Variants in GALM observed in about 807,000 individuals in gnomAD.
GALM encodes aldose 1-epimerase.
GALM carries 43 observed loss-of-function variants against 37.4 expected under a neutral mutation model. That is an observed-to-expected ratio of 1.15 (90% CI 0.90 to 1.48). The LOEUF is 1.48. GALM is among the 40% of genes most tolerant of loss of function. The probability of loss-of-function intolerance (pLI) is 0.00; values close to 1 mark genes in which losing one functional copy is unlikely to be tolerated. For synonymous variants in GALM, 199 were observed against 170.6 expected, an observed-to-expected ratio of 1.17 and a Z score of -1.30; for missense variants, 456 against 419.1, an observed-to-expected ratio of 1.09 and a Z score of -0.77.
At chr2:38,680,315 C>A (rs1271071459) in intron 2 of GALM, among the ~76,000 whole-genome samples, 1 of 152,134 alleles carries the variant, frequency 6.6e-6, no homozygotes, top group African/African-American at 2.4e-5. Context: ...AGCTATTGCA[C>A]CTGACCACAA....
At chr2:38,695,037 T>C (rs1427287518) in intron 4 of GALM, among the ~76,000 whole-genome samples, 1 of 152,180 alleles carries the variant, frequency 6.6e-6, no homozygotes, top group South Asian at 2.1e-4. Flanking sequence ...CAGAATCTTG[T>C]TATGAACAAG....
intron 1 of GALM, among the ~76,000 whole-genome samples, chr2:38,675,528 TTTTTTTTTTTTTTTTTGTG>T (rs1307605917): frequency 5.9e-5 from 4 of 67,256 alleles, no homozygotes; most frequent in African/African-American, 3.9e-4. Flanking sequence ...GTTTTTTTGT[TTTTTTTTTTTTTTTTTGTG>T]TGTGTGTGTG....
rs1666615594 is a variant in GALM at position 38,731,805 on chromosome 2, G to A, written c.847G>A (p.Gly283Ser). 1 of 1,614,020 alleles carries A rather than the reference G, an allele frequency of 6.2e-7. No homozygotes were observed. The highest frequency in any genetic ancestry group is 8.5e-7 in the Non-Finnish European group (1 of 1,179,952). The change falls in exon 6 of 7, where the codon GGC becomes AGC. Residue 283 changes from glycine (G) to serine (S), a missense_variant. Physicochemically the swap from Gly to Ser is moderately conservative, Grantham distance 56. Coordinates refer to ENST00000272252, the MANE Select transcript of GALM (RefSeq NM_138801.3). ...CCAGCCCGGGGTCCAGTTTTACACGGGCAACTTCCTGGATGGCACATTAAA... is the reference window on the plus strand; with the variant it reads ...CCAGCCCGGGGTCCAGTTTTACACGAGCAACTTCCTGGATGGCACATTAAA... ...TTQPGVQFYT[G>S]NFLDGTLKGK...
chr2:38,722,030 T>TTCCCCCCCC (rs1666385953), intron 4 of GALM, among the ~76,000 whole-genome samples: 5 of 41,388 alleles, frequency 1.2e-4, no homozygotes, highest in Non-Finnish European at 1.7e-4. Flanking sequence ...TGCCTTCCCT[T>TTCCCCCCCC]CCCCCCCCCA....
intron 4 of GALM, among the ~76,000 whole-genome samples, chr2:38,690,702 G>A (rs1422719514): frequency 6.6e-6 from 1 of 152,110 alleles, no homozygotes; most frequent in Non-Finnish European, 1.5e-5. Flanking sequence ...CAGAGGGCTG[G>A]GATTACAGGT....
chr2:38,677,291 C>T (rs1477843860), intron 2 of GALM, among the ~76,000 whole-genome samples: 1 of 152,202 alleles, frequency 6.6e-6, no homozygotes, highest in Non-Finnish European at 1.5e-5. Flanking sequence ...CCAGAGAAGA[C>T]AGGAACATGT....
intron 2 of GALM, among the ~76,000 whole-genome samples, chr2:38,678,262 G>A (rs1332871235): frequency 2.0e-5 from 3 of 151,954 alleles, no homozygotes; most frequent in Admixed American, 1.3e-4. Context: ...CACCCACCTC[G>A]GCCTCCCAAA....
At chr2:38,701,296 C>T (rs1040873140) in intron 4 of GALM, among the ~76,000 whole-genome samples, 10 of 152,128 alleles carry the variant, frequency 6.6e-5, no homozygotes, top group South Asian at 2.1e-4. Flanking sequence ...CAATACAGTG[C>T]ACTACTAAGG....
intron 4 of GALM, among the ~76,000 whole-genome samples, chr2:38,720,414 T>TAAAA (rs34372976): frequency 1.1e-5 from 1 of 92,864 alleles, no homozygotes; most frequent in Non-Finnish European, 2.0e-5. Context: ...ACTTCTATGT[T>TAAAA]AAAAAAAAAA....
chr2:38,731,963 A>G, intron 6 of GALM, 54 bp downstream of exon 6: 1 of 1,386,122 alleles, frequency 7.2e-7, no homozygotes, highest in Non-Finnish European at 1.0e-6. Flanking sequence ...GTCACACTGT[A>G]CGACAGAGTT....
intron 3 of GALM, among the ~76,000 whole-genome samples, chr2:38,687,600 C>A (rs1229058687): frequency 6.6e-6 from 1 of 151,498 alleles, no homozygotes; most frequent in Non-Finnish European, 1.5e-5. Flanking sequence ...ATCCCAGCTA[C>A]TTAAGGAGGC....
chr2:38,731,063 TA>T lies in GALM; in HGVS notation c.777-668del, dbSNP rs1191617220. Among the ~76,000 whole-genome samples, 3 of 151,546 alleles carry T rather than the reference TA, an allele frequency of 2.0e-5. No homozygotes were observed. In the East Asian group the frequency reaches 5.9e-4, roughly 30 times the overall value. ...CAACATGATGAAACCCCGACAATAC[TA>T]AAAGTACAAAAAATTAGCCGGATGT... On this transcript the variant is annotated intron_variant, in intron 5 of 6. Transcript: ENST00000272252.
intron 4 of GALM, among the ~76,000 whole-genome samples, chr2:38,708,352 C>T (rs1040033373): frequency 3.9e-5 from 6 of 151,958 alleles, no homozygotes; most frequent in African/African-American, 1.2e-4. Flanking sequence ...GGCCCCACCT[C>T]AGAGATTCTG....
In GALM at chr2:38,734,431, G is replaced by A. The variant is rs2148462184; in HGVS notation, c.*866G>A. ...AAAAAAAAGCAGCTCTCTCTCTCGG[G>A]AGAGGGAGGGGACTTCCGAGAGGAA... On this transcript the variant is annotated 3_prime_UTR_variant, in exon 7 of 7. Transcript: ENST00000272252. 1 of 151,356 alleles carries A rather than the reference G, an allele frequency of 6.6e-6. No individual in the cohort carries two copies. The highest frequency in any genetic ancestry group is 1.5e-5 in the Non-Finnish European group (1 of 68,002). The allele number at this position is 151,356 out of a possible 1,614,324, so 9.4% of individuals were successfully genotyped here. A position where few individuals can be genotyped will look rare whatever the true frequency, so the allele number is the denominator to read the frequency against.
At chr2:38,703,542 G>A (rs772273445) in intron 4 of GALM, among the ~76,000 whole-genome samples, 1 of 152,112 alleles carries the variant, frequency 6.6e-6, no homozygotes, top group Non-Finnish European at 1.5e-5. Flanking sequence ...GACTGAATCT[G>A]TAAAATCTGA....
chr2:38,680,447 T>C (rs1665368936), intron 2 of GALM, among the ~76,000 whole-genome samples: 1 of 152,150 alleles, frequency 6.6e-6, no homozygotes, highest in Non-Finnish European at 1.5e-5. Flanking sequence ...ATGAAAGAGA[T>C]TAATGCCTAG....
chr2:38,666,397 G>A (rs749134674), intron 1 of GALM, 46 bp downstream of exon 1: 2 of 1,403,040 alleles, frequency 1.4e-6, no homozygotes, highest in Non-Finnish European at 9.8e-7. Context: ...CCAGGCCCAC[G>A]CTACATACCT....
intron 4 of GALM, among the ~76,000 whole-genome samples, chr2:38,728,966 A>C (rs566522668): frequency 6.6e-6 from 1 of 152,324 alleles, no homozygotes; most frequent in East Asian, 1.9e-4. Context: ...ATTCAGCTAG[A>C]ACAACTCTGG....
At chr2:38,695,065 A>G (rs1482537280) in intron 4 of GALM, among the ~76,000 whole-genome samples, 1 of 152,152 alleles carries the variant, frequency 6.6e-6, no homozygotes, top group African/African-American at 2.4e-5. Flanking sequence ...GAAAGTTCAC[A>G]TTCTTTAAGT....
Sources: gnomAD v4.1 joint callset for allele counts (sites outside exome capture counted in the v4.1 genomes callset) on GRCh38, gnomAD v4.1.1 for gene constraint, MANE v1.5 for transcripts, NCBI Gene and HGNC (gene_info 2026-07-23, HGNC 2026-07-21) for gene names.